XG: variants seen among roughly 807,000 people sequenced by gnomAD.
The protein encoded by XG is Xg glycoprotein (Xg blood group).
A neutral mutation model predicts 25.7 loss-of-function variants in XG; 24 were observed. The ratio of observed to expected loss-of-function variants is 0.93; its 90% CI spans 0.68 to 1.31. The LOEUF (loss-of-function observed/expected upper bound fraction) is 1.31, where lower values mean the gene tolerates loss of function less well. XG is among the 40% of genes most tolerant of loss of function. XG has a pLI of 0.00. For synonymous variants in XG, 77 were observed against 69.2 expected (o/e 1.11, Z -0.56); for missense variants, 181 against 187.6 (o/e 0.96, Z 0.21).
In XG at chrX:2,752,156, C is replaced by A; in HGVS notation, c.-119C>A. On this transcript the variant is annotated 5_prime_UTR_variant, in exon 1 of 11. Transcript: ENST00000644266. The stretch of plus-strand genomic sequence containing the variant: ...GCTCATATTTTCCACTTGAAGACAT[C>A]GCCTCCCTTCCTTCCAAGCTGGGAG... 6.6e-7 allele frequency: 1 copy of A among 1,521,662 alleles called. No homozygotes were observed. The highest frequency in any genetic ancestry group is 8.9e-7 in the Non-Finnish European group (1 of 1,123,874). 94.3% of individuals were successfully genotyped at this position (1,521,662 alleles called of 1,614,324 possible). A position where few individuals can be genotyped will look rare whatever the true frequency, so the allele number is the denominator to read the frequency against.
intron 6 of XG, among the ~76,000 whole-genome samples, chrX:2,794,942 A>T (rs1215454225): frequency 9.0e-6 from 1 of 111,712 alleles, no homozygotes; most frequent in Non-Finnish European, 1.9e-5. Flanking sequence ...ATATATCTGC[A>T]TGCTTATCAA....
chrX:2,800,197 A>G (rs1484534899), intron 7 of XG, among the ~76,000 whole-genome samples: 2 of 111,537 alleles, frequency 1.8e-5, no homozygotes, highest in African/African-American at 3.3e-5. Context: ...TGAGAGGGAG[A>G]CAGGAAGAGG....
At chrX:2,787,485 T>G (rs1263290765) in intron 4 of XG, among the ~76,000 whole-genome samples, 1 of 111,454 alleles carries the variant, frequency 9.0e-6, no homozygotes, top group African/African-American at 3.3e-5. Flanking sequence ...GCCACGAATA[T>G]GCAGCTCGTG....
chrX:2,771,114 A>G (rs2050808741), intron 2 of XG, among the ~76,000 whole-genome samples: 1 of 151,924 alleles, frequency 6.6e-6, no homozygotes, highest in African/African-American at 2.4e-5. Flanking sequence ...TTGGTTTCTC[A>G]AAACACTGGG....
At chrX:2,757,264 A>G (rs2050455962) in intron 1 of XG, among the ~76,000 whole-genome samples, 1 of 151,818 alleles carries the variant, frequency 6.6e-6, no homozygotes, top group South Asian at 2.1e-4. Context: ...CTGTCTGCAC[A>G]TGGGGTCTGG....
At chrX:2,769,438 C>A (rs1387746165) in intron 1 of XG, among the ~76,000 whole-genome samples, 3 of 152,232 alleles carry the variant, frequency 2.0e-5, no homozygotes, top group Non-Finnish European at 4.4e-5. Context: ...GGGAAATATG[C>A]ATGCTGGTCA....
intron 10 of XG, among the ~76,000 whole-genome samples, chrX:2,813,376 T>TA (rs1274011933): frequency 8.9e-6 from 1 of 111,778 alleles, no homozygotes; most frequent in African/African-American, 3.3e-5. Flanking sequence ...ATCTAGGAAA[T>TA]ATGTGCATGA....
chrX:2,808,992 G>A (rs1231487709), intron 9 of XG, among the ~76,000 whole-genome samples: 1 of 111,836 alleles, frequency 8.9e-6, no homozygotes, highest in Non-Finnish European at 1.9e-5. Context: ...AGTAATTGCA[G>A]TCAAATCTGA....
At chrX:2,774,639 G>C in intron 2 of XG, 77 bp from the exon 3 acceptor site, 1 of 1,515,114 alleles carries the variant, frequency 6.6e-7, no homozygotes, top group Non-Finnish European at 9.2e-7. Context: ...CCTTTCATCA[G>C]GGCGTTCATG....
chrX:2,776,254 G>A (rs1193641895), intron 3 of XG, among the ~76,000 whole-genome samples: 2 of 152,092 alleles, frequency 1.3e-5, no homozygotes, highest in East Asian at 3.9e-4. Flanking sequence ...GTTTAGGAAG[G>A]GGAGGGCTGG....
At chrX:2,791,591 C>G (rs774062785) in intron 5 of XG, among the ~76,000 whole-genome samples, 9 of 109,604 alleles carry the variant, frequency 8.2e-5, no homozygotes, top group Non-Finnish European at 1.5e-4. Context: ...TCTGCATTCC[C>G]GTACTCCATA....
At chrX:2,774,651 C>T (rs2050934673) in intron 2 of XG, 65 bp from the exon 3 acceptor site, 1 of 1,585,366 alleles carries the variant, frequency 6.3e-7, no homozygotes, top group South Asian at 1.1e-5. Flanking sequence ...GCGTTCATGG[C>T]CTTTCTTCAT....
chrX:2,761,688 C>T (rs928705862), intron 1 of XG, among the ~76,000 whole-genome samples: 1 of 150,334 alleles, frequency 6.7e-6, no homozygotes, highest in Non-Finnish European at 1.5e-5. Flanking sequence ...GTGACAGCAG[C>T]CTGAAATGGA....
chrX:2,769,252 A>T (rs2050763833), intron 1 of XG, among the ~76,000 whole-genome samples: 1 of 152,088 alleles, frequency 6.6e-6, no homozygotes, highest in Admixed American at 6.6e-5. Flanking sequence ...TTTGGGAGGG[A>T]GACAGACATC....
chrX:2,780,546 G>C lies in XG; in HGVS notation c.128-1520G>C, dbSNP rs905728664. On this transcript the variant is annotated intron_variant, in intron 3 of 10. Transcript: ENST00000644266. ...AGTTTGAGACCAGCCTGGCCAACATGGTGAAACCCTGTTTCTACTAAAAAT... is the reference window on the plus strand; with the variant it reads ...AGTTTGAGACCAGCCTGGCCAACATCGTGAAACCCTGTTTCTACTAAAAAT... Among the ~76,000 whole-genome samples, 10 of 151,766 alleles carry C rather than the reference G, an allele frequency of 6.6e-5. No homozygotes were observed. The East Asian group carries it at 1.2e-3, about 18-fold the overall frequency.
At chrX:2,804,884 C>T (rs762265789) in intron 7 of XG, among the ~76,000 whole-genome samples, 78 of 112,245 alleles carry the variant, frequency 6.9e-4, no homozygotes, top group African/African-American at 2.4e-3. Context: ...AGGGCCAGGG[C>T]CCGGTGGAAG....
At chrX:2,771,101 A>G (rs1277783087) in intron 2 of XG, among the ~76,000 whole-genome samples, 6 of 151,788 alleles carry the variant, frequency 4.0e-5, no homozygotes, top group African/African-American at 1.5e-4. Flanking sequence ...AAATCCTTCT[A>G]CCTTGGTTTC....
intron 5 of XG, among the ~76,000 whole-genome samples, chrX:2,792,543 C>G (rs370792670): frequency 1.2e-4 from 6 of 52,065 alleles, no homozygotes; most frequent in Admixed American, 3.1e-4. Flanking sequence ...TTTTCTTTTT[C>G]TTTGTGTGTG....
intron 1 of XG, among the ~76,000 whole-genome samples, chrX:2,765,240 A>G (rs1476680412): frequency 6.6e-6 from 1 of 151,476 alleles, no homozygotes; most frequent in African/African-American, 2.4e-5. Flanking sequence ...CCAGCTACTC[A>G]GGAGGCTGAG....
Sources: allele counts gnomAD v4.1 joint callset (sites outside exome capture counted in the v4.1 genomes callset), GRCh38; gene constraint gnomAD v4.1.1; transcripts MANE v1.5; gene names NCBI Gene and HGNC (gene_info 2026-07-23, HGNC 2026-07-21).